Variants in GRIN2D observed in about 807,000 individuals in gnomAD.
GRIN2D encodes the protein glutamate ionotropic receptor NMDA type subunit 2D.
Under a neutral mutation model 103.2 loss-of-function variants are expected in GRIN2D, and 37 were observed. The ratio of observed to expected loss-of-function variants is 0.36; its 90% CI spans 0.28 to 0.47. The LOEUF is 0.47. GRIN2D is among the 20% of genes least tolerant of loss of function. The pLI is 1.00. For synonymous variants in GRIN2D, 845 were observed against 885.6 expected (o/e 0.95, Z 0.81); for missense variants, 1,557 against 1,910.6 (o/e 0.81, Z 3.45).
chr19:48,440,057 C>G (rs1971273433), intron 11 of GRIN2D, among the ~76,000 whole-genome samples: 2 of 152,024 alleles, frequency 1.3e-5, no homozygotes, highest in South Asian at 4.2e-4. Context: ...ACTAAAAATA[C>G]AAAATTAGCC....
In GRIN2D at chr19:48,442,888, G is replaced by C. The variant is rs1415817761; in HGVS notation, c.2962G>C (p.Ala988Pro). ...GEARAAPRGAAGRPLSPPAAQ... is the reference protein window; with the variant it reads ...GEARAAPRGAPGRPLSPPAAQ... ...AGCGCGCGCGGCACCGCGGGGCGCAGCCGGGCGCCCGCTGTCCCCGCCGGC... is the reference window on the plus strand; with the variant it reads ...AGCGCGCGCGGCACCGCGGGGCGCACCCGGGCGCCCGCTGTCCCCGCCGGC... Residue 988 changes from alanine to proline, a missense_variant, in exon 14 of 14, where the codon GCC (alanine) becomes CCC (proline). By Grantham distance (27) the Ala-to-Pro change is conservative. Transcript: ENST00000263269. This position sits in a 1 kb window ranked among gnomAD's most constrained non-coding sequence, Gnocchi z 7.2. 1.8e-6 allele frequency: 2 copies of C among 1,092,640 alleles called. No homozygotes were observed. Among genetic ancestry groups the C allele is most frequent in the Admixed American group, 1.1e-4 (2 of 18,652 alleles). The allele number at this position is 1,092,640 out of a possible 1,614,324, so 67.7% of individuals were successfully genotyped here. A position where few individuals can be genotyped will look rare whatever the true frequency, so the allele number is the denominator to read the frequency against.
Position 48,443,814 on chromosome 19 carries a change from G to C in GRIN2D, c.3888G>C (p.Arg1296Ser), listed in dbSNP as rs375048004. 9 of 1,480,090 alleles carry C rather than the reference G, an allele frequency of 6.1e-6. No homozygotes were observed. In the African/African-American group the frequency reaches 1.3e-4, roughly 22 times the overall value. The allele number at this position is 1,480,090 out of a possible 1,614,324, so 91.7% of individuals were successfully genotyped here. A position where few individuals can be genotyped will look rare whatever the true frequency, so the allele number is the denominator to read the frequency against. The change falls in exon 14 of 14, where the codon AGG (arginine) becomes AGC (serine). Residue 1296 changes from arginine to serine, a missense_variant. Around this residue, in one of 7 missense-constraint regions of GRIN2D, gnomAD observed 88 missense variants for 84.3 expected, o/e 1.04. Coordinates refer to ENST00000263269, the MANE Select transcript of GRIN2D (RefSeq NM_000836.4). This position sits in a 1 kb window ranked among gnomAD's most constrained non-coding sequence, Gnocchi z 8.9. ...CCGGGCCCTCCCGCCACGCTCGCAG[G>C]TGTCCGCACGCCGCGCACTGGGGGC... ...RLTGPSRHARRCPHAAHWGPP... is the reference protein window; with the variant it reads ...RLTGPSRHARSCPHAAHWGPP...
At chr19:48,432,017 A>G (rs1971163569) in intron 11 of GRIN2D, among the ~76,000 whole-genome samples, 1 of 148,304 alleles carries the variant, frequency 6.7e-6, no homozygotes, top group South Asian at 2.2e-4. Context: ...GGTTCAAGCC[A>G]TTCTCCTGCC....
Position 48,443,166 on chromosome 19 carries a change from G to A in GRIN2D, c.3240G>A (p.Gly1080=), listed in dbSNP as rs1249136455. Residue 1080 remains glycine, a synonymous_variant, in exon 14 of 14, where the codon GGG becomes GGA. Transcript: ENST00000263269. This position sits in a 1 kb window ranked among gnomAD's most constrained non-coding sequence, Gnocchi z 8.9. ...TGGGGCCAGGCGCGGGCGGCGCGGG[G>A]GGCACGGGGGGCGCAGGCGGAGGAG... is the stretch of plus-strand genomic sequence containing the variant. ...PLLGPGAGGA[G]GTGGAGGGAP... is the part of the protein sequence containing the mutation. The A allele has an allele frequency of 7.9e-6, 8 of 1,018,606 alleles. No homozygotes were observed. The East Asian group carries it at 3.0e-4, about 38-fold the overall frequency. The allele number at this position is 1,018,606 out of a possible 1,614,324, so 63.1% of individuals were successfully genotyped here.
chr19:48,444,120 C>A lies in GRIN2D; in HGVS notation c.*183C>A. On this transcript the variant is annotated 3_prime_UTR_variant, in exon 14 of 14. Transcript: ENST00000263269. This position sits in a 1 kb window ranked among gnomAD's most constrained non-coding sequence, Gnocchi z 5.5. ...ACCGCAAGCCGGAGAGGATTTGGTC[C>A]CTCAACTATCACCCAGCCTGAGAAC... 2.3e-6 allele frequency: 1 copy of A among 432,126 alleles called. No individual in the cohort carries two copies. Among genetic ancestry groups the A allele is most frequent in the Non-Finnish European group, 4.1e-6 (1 of 246,580 alleles). 26.8% of individuals were successfully genotyped at this position (432,126 alleles called of 1,614,324 possible).
chr19:48,407,746 G>T (rs553304663), intron 4 of GRIN2D, among the ~76,000 whole-genome samples: 7 of 152,204 alleles, frequency 4.6e-5, no homozygotes, highest in Non-Finnish European at 5.9e-5. Flanking sequence ...AATGCAATGA[G>T]CAAATAAGTA....
At position 48,431,801 on chromosome 19, in the gene GRIN2D, T is replaced by C. The variant is rs1326281973; in HGVS notation, c.2252+9856T>C. Among the ~76,000 whole-genome samples, 3 of 152,128 alleles carry C rather than the reference T, an allele frequency of 2.0e-5. No individual in the cohort carries two copies. The East Asian group carries it at 5.8e-4, about 29-fold the overall frequency. On this transcript the variant is annotated intron_variant, in intron 11 of 13. Transcript: ENST00000263269. ...GGTTTCACCATGTTAGTCAGGCTGGTTGCAAACTTCTGACCTCAGGTGATC... is the reference window on the plus strand; with the variant it reads ...GGTTTCACCATGTTAGTCAGGCTGGCTGCAAACTTCTGACCTCAGGTGATC...
In GRIN2D at chr19:48,405,130, C is replaced by T. The variant is rs1199743691; in HGVS notation, c.862C>T (p.Pro288Ser). The stretch of plus-strand genomic sequence containing the variant: ...GGCTGGAGGCGGGGGCTCTGGGGCC[C>T]CTGGTGAGCCCCCTCTTCTGCCAGG... Reference protein sequence around the residue: ...QLAGGGGSGAPGEPPLLPGGA... With the variant: ...QLAGGGGSGASGEPPLLPGGA... The change falls in exon 4 of 14, where the codon CCT (proline) becomes TCT (serine). Residue 288 changes from proline to serine, a missense_variant. Physicochemically the swap from Pro to Ser is moderately conservative, Grantham distance 74 (BLOSUM62 -1). Transcript: ENST00000263269. This position sits in a 1 kb window ranked among gnomAD's most constrained non-coding sequence, Gnocchi z 5.1. The T allele has an allele frequency of 6.3e-7, 1 of 1,575,962 alleles. No homozygotes were observed. Among genetic ancestry groups the T allele is most frequent in the Admixed American group, 1.8e-5 (1 of 54,564 alleles).
At chr19:48,436,379 G>A (rs1971230585) in intron 11 of GRIN2D, among the ~76,000 whole-genome samples, 1 of 152,162 alleles carries the variant, frequency 6.6e-6, no homozygotes, top group African/African-American at 2.4e-5. Flanking sequence ...GGTGGCGTCA[G>A]CTGATCCATA....
At chr19:48,437,830 A>G (rs1268089863) in intron 11 of GRIN2D, among the ~76,000 whole-genome samples, 1 of 152,200 alleles carries the variant, frequency 6.6e-6, no homozygotes, top group Non-Finnish European at 1.5e-5. Context: ...AAGTGCCTGC[A>G]GGCAGTGGTG....
rs1158718308 is a variant in GRIN2D, at chr19:48,394,422, C to CCAGA, written c.-305-227_-305-224dup. 6.9e-6 allele frequency among the ~76,000 whole-genome samples: 1 copy of CCAGA among 144,130 alleles called. No homozygotes were observed. Among genetic ancestry groups the CCAGA allele is most frequent in the Non-Finnish European group, 1.5e-5 (1 of 67,004 alleles). The allele number at this position is 144,130 out of a possible 152,430, so 94.6% of individuals were successfully genotyped here. A position where few individuals can be genotyped will look rare whatever the true frequency, so the allele number is the denominator to read the frequency against. ...ACCAGCCACTAGCTTCAGAGGTGAC[C>CCAGA]CAGACAGACAGATAGACACAGACGC... On this transcript the variant is annotated intron_variant, in intron 1 of 13. Coordinates refer to ENST00000263269, the MANE Select transcript of GRIN2D (RefSeq NM_000836.4). This position sits in a 1 kb window ranked among gnomAD's most constrained non-coding sequence, Gnocchi z 5.1.
chr19:48,395,679 G>A (rs1970631038), intron 2 of GRIN2D, among the ~76,000 whole-genome samples: 1 of 152,062 alleles, frequency 6.6e-6, no homozygotes, highest in Admixed American at 6.6e-5. Flanking sequence ...CCCCGCTTGG[G>A]GACAGGCTGT....
At chr19:48,412,827 T>TAA (rs201379585) in intron 4 of GRIN2D, among the ~76,000 whole-genome samples, 4 of 98,910 alleles carry the variant, frequency 4.0e-5, no homozygotes, top group Non-Finnish European at 6.3e-5. Context: ...AACCACACAT[T>TAA]AAAAAAAAAA....
In GRIN2D at chr19:48,413,847, C is replaced by T. The variant is rs540949068; in HGVS notation, c.1086-144C>T. 1.6e-3 allele frequency: 1,039 copies of T among 634,094 alleles called. 19 individuals carry two copies. The highest frequency in any genetic ancestry group is 0.014 in the South Asian group (770 of 56,168). 39.3% of individuals were successfully genotyped at this position (634,094 alleles called of 1,614,324 possible). A position where few individuals can be genotyped will look rare whatever the true frequency, so the allele number is the denominator to read the frequency against. On this transcript the variant is annotated intron_variant, in intron 4 of 13. Coordinates refer to ENST00000263269, the MANE Select transcript of GRIN2D (RefSeq NM_000836.4). ...GTGCTGAGCAGGGAAGGGGTATATT[C>T]GTGTTTTTGAGACCTTGGAGGTAAA...
rs1970675689 is a variant in GRIN2D at position 48,398,856 on chromosome 19, A to C, written c.464A>C (p.Lys155Thr). 8.3e-7 allele frequency: 1 copy of C among 1,203,424 alleles called. No individual in the cohort carries two copies. The highest frequency in any genetic ancestry group is 1.0e-6 in the Non-Finnish European group (1 of 967,628). The allele number at this position is 1,203,424 out of a possible 1,614,324, so 74.5% of individuals were successfully genotyped here. The change falls in exon 3 of 14, where the codon AAG (lysine) becomes ACG (threonine). Residue 155 changes from lysine to threonine, a missense_variant and splice_region_variant. Physicochemically the swap from Lys to Thr is moderately conservative, Grantham distance 78. Coordinates refer to ENST00000263269, the MANE Select transcript of GRIN2D (RefSeq NM_000836.4). ...GGCGCCGCGCTCGTGCTCACGCCCAAGGTGCGCGCGACCGGGGCGGGGCGG... is the reference window on the plus strand; with the variant it reads ...GGCGCCGCGCTCGTGCTCACGCCCACGGTGCGCGCGACCGGGGCGGGGCGG... The part of the protein sequence containing the change: ...HGGAALVLTP[K>T]EKGSTFLQLG...
At chr19:48,427,101 C>T (rs1370970403) in intron 11 of GRIN2D, among the ~76,000 whole-genome samples, 2 of 151,952 alleles carry the variant, frequency 1.3e-5, no homozygotes, top group Non-Finnish European at 2.9e-5. Context: ...AGGCAGGTCA[C>T]TTGAAGTCAG....
At chr19:48,402,774 G>T (rs1041487286) in intron 3 of GRIN2D, among the ~76,000 whole-genome samples, 1 of 83,244 alleles carries the variant, frequency 1.2e-5, no homozygotes, top group Non-Finnish European at 2.5e-5. Flanking sequence ...ACGAGAGAGA[G>T]AGAGAGAGAG....
rs1298265996 is a variant in GRIN2D at position 48,443,365 on chromosome 19, C to T, written c.3439C>T (p.Pro1147Ser). Residue 1147 changes from proline (P) to serine (S), a missense_variant, in exon 14 of 14, where the codon CCG (proline) becomes TCG (serine). By Grantham distance (74) the Pro-to-Ser change is moderately conservative. Coordinates refer to ENST00000263269, the MANE Select transcript of GRIN2D (RefSeq NM_000836.4). This position sits in a 1 kb window ranked among gnomAD's most constrained non-coding sequence, Gnocchi z 8.9. ...TTACCCGTATGCCGAGCGCCTCGGGCCGCCGCCCGGCCGCTACTGGTCGGT... is the reference window on the plus strand; with the variant it reads ...TTACCCGTATGCCGAGCGCCTCGGGTCGCCGCCCGGCCGCTACTGGTCGGT... The part of the protein sequence containing the change: ...FPYPYAERLG[P>S]PPGRYWSVDK... 7.3e-6 allele frequency: 11 copies of T among 1,500,264 alleles called. No homozygotes were observed. Among genetic ancestry groups the T allele is most frequent in the Non-Finnish European group, 8.8e-6 (10 of 1,133,572 alleles). 92.9% of individuals were successfully genotyped at this position (1,500,264 alleles called of 1,614,324 possible).
intron 11 of GRIN2D, among the ~76,000 whole-genome samples, chr19:48,428,044 CTTTTTTTT>C (rs549084356): frequency 8.3e-6 from 1 of 120,568 alleles, no homozygotes; most frequent in Non-Finnish European, 1.8e-5. Flanking sequence ...TGGCCAAGTT[CTTTTTTTT>C]TTTTTTTTTT....
Sources: allele counts gnomAD v4.1 joint callset (sites outside exome capture counted in the v4.1 genomes callset), GRCh38; gene constraint gnomAD v4.1.1; regional missense constraint gnomAD v4.1.1; non-coding constraint Gnocchi (gnomAD v3.1); transcripts MANE v1.5; gene names NCBI Gene and HGNC (gene_info 2026-07-23, HGNC 2026-07-21).